The following MTHFD1L variants were observed in gnomAD, a reference collection of about 807,000 sequenced individuals.
MTHFD1L encodes monofunctional C1-tetrahydrofolate synthase, mitochondrial.
MTHFD1L carries 81 observed loss-of-function variants against 119.5 expected under a neutral mutation model. The ratio of observed to expected loss-of-function variants is 0.68; its 90% confidence interval spans 0.57 to 0.82. MTHFD1L has a LOEUF of 0.82. MTHFD1L is among the 40% of genes least tolerant of loss of function. The probability of loss-of-function intolerance (pLI) is 0.00; values close to 1 mark genes in which losing one functional copy is unlikely to be tolerated. For missense variants in MTHFD1L, 1,125 were observed against 1,253.4 expected (o/e 0.90, Z 1.55); for synonymous variants, 430 against 475.2 (o/e 0.90, Z 1.24).
At chr6:151,065,100 G>A (rs780379318) in intron 26 of MTHFD1L, among the ~76,000 whole-genome samples, 7 of 152,124 alleles carry the variant, frequency 4.6e-5, no homozygotes, top group African/African-American at 7.2e-5. Context: ...CACCATGCCC[G>A]GCCACTATTC....
At chr6:151,069,763 C>T (rs1791750745) in intron 26 of MTHFD1L, among the ~76,000 whole-genome samples, 1 of 152,102 alleles carries the variant, frequency 6.6e-6, no homozygotes, top group Non-Finnish European at 1.5e-5. Flanking sequence ...GGCTACTTGC[C>T]AGACAACTCC....
intron 7 of MTHFD1L, among the ~76,000 whole-genome samples, chr6:150,894,671 G>C (rs1455402619): frequency 1.3e-5 from 2 of 152,112 alleles, no homozygotes; most frequent in Non-Finnish European, 2.9e-5. Flanking sequence ...CTACTTTCAG[G>C]CTCTGTAGGT....
At chr6:150,878,809 T>G (rs1780896175) in intron 4 of MTHFD1L, among the ~76,000 whole-genome samples, 1 of 152,196 alleles carries the variant, frequency 6.6e-6, no homozygotes, top group African/African-American at 2.4e-5. Context: ...GTGAGTCTTA[T>G]TTGAGTCCTA....
At chr6:150,975,298 G>A (rs988429266) in intron 20 of MTHFD1L, among the ~76,000 whole-genome samples, 5 of 152,170 alleles carry the variant, frequency 3.3e-5, no homozygotes, top group African/African-American at 9.7e-5. Context: ...GAACTCTCCC[G>A]AAGGTGGTGT....
intron 19 of MTHFD1L, 32 bp downstream of exon 19, chr6:150,965,069 G>T: frequency 6.3e-7 from 1 of 1,592,270 alleles, no homozygotes; most frequent in African/African-American, 1.3e-5. Context: ...GTAATTGTTT[G>T]CATTAACTGG....
intron 18 of MTHFD1L, 81 bp from the exon 19 acceptor site, chr6:150,964,888 G>A: frequency 7.1e-7 from 1 of 1,408,546 alleles, no homozygotes; most frequent in Non-Finnish European, 1.0e-6. Context: ...CCAAGAAGCA[G>A]GCTGGAGAGA....
intron 15 of MTHFD1L, among the ~76,000 whole-genome samples, chr6:150,947,546 A>G (rs1265773705): frequency 1.3e-5 from 2 of 152,106 alleles, no homozygotes; most frequent in Non-Finnish European, 2.9e-5. Context: ...AGCCCAGGCA[A>G]CATAGCAAGA....
chr6:150,983,463 T>C (rs1375166168), intron 20 of MTHFD1L, among the ~76,000 whole-genome samples: 1 of 152,194 alleles, frequency 6.6e-6, no homozygotes, highest in Non-Finnish European at 1.5e-5. Context: ...CCCAGCCCTA[T>C]GAAAAGGGCC....
intron 27 of MTHFD1L, among the ~76,000 whole-genome samples, chr6:151,100,474 C>T (rs1795282562): frequency 6.6e-6 from 1 of 152,050 alleles, no homozygotes; most frequent in Non-Finnish European, 1.5e-5. Context: ...CTCCAGACCT[C>T]TCAGTGATCT....
At chr6:151,068,357 T>C (rs1791556888) in intron 26 of MTHFD1L, among the ~76,000 whole-genome samples, 1 of 152,250 alleles carries the variant, frequency 6.6e-6, no homozygotes, top group Non-Finnish European at 1.5e-5. Context: ...GTGATGGAGA[T>C]GGAGACACCT....
intron 2 of MTHFD1L, 78 bp from the exon 3 acceptor site, chr6:150,877,556 A>C (rs572761504): frequency 2.0e-6 from 3 of 1,497,620 alleles, no homozygotes; most frequent in East Asian, 4.6e-5. Context: ...ATCTGTAATC[A>C]CAAAATTCAT....
intron 19 of MTHFD1L, among the ~76,000 whole-genome samples, chr6:150,971,445 C>T (rs1797991069): frequency 6.6e-6 from 1 of 152,164 alleles, no homozygotes; most frequent in Admixed American, 6.5e-5. Flanking sequence ...GCGATCCGCC[C>T]ATCTTGGCCT....
chr6:150,918,907 G>A (rs1168793506), intron 9 of MTHFD1L, among the ~76,000 whole-genome samples: 2 of 152,134 alleles, frequency 1.3e-5, no homozygotes, highest in Non-Finnish European at 2.9e-5. Context: ...CTTGTGCTGT[G>A]TAATAAATTA....
At position 150,995,977 on chromosome 6, in the gene MTHFD1L, T is replaced by C. The variant is rs575706620; in HGVS notation, c.2126-13842T>C. Among the ~76,000 whole-genome samples, 6 of 152,212 alleles carry C rather than the reference T, an allele frequency of 3.9e-5. No individual in the cohort carries two copies. In the East Asian group the frequency reaches 1.2e-3, roughly 30 times the overall value. ...TGCCTGGCCAACATATTTCTAATAA[T>C]ATATTAATTTGATAAACAGAAGTTA... On this transcript the variant is annotated intron_variant, in intron 20 of 27. Transcript: ENST00000367321.
intron 25 of MTHFD1L, among the ~76,000 whole-genome samples, chr6:151,035,540 G>C (rs1330553660): frequency 2.6e-5 from 4 of 152,032 alleles, no homozygotes; most frequent in Non-Finnish European, 4.4e-5. Context: ...AATTTTCCCT[G>C]TATGTTCTTG....
At chr6:150,920,711 AC>A (rs1788751254) in intron 9 of MTHFD1L, among the ~76,000 whole-genome samples, 1 of 152,000 alleles carries the variant, frequency 6.6e-6, no homozygotes, top group Non-Finnish European at 1.5e-5. Flanking sequence ...TGGATGACGA[AC>A]CTATTCAGTA....
At chr6:150,872,488 A>G (rs1273731107) in intron 1 of MTHFD1L, among the ~76,000 whole-genome samples, 3 of 152,188 alleles carry the variant, frequency 2.0e-5, no homozygotes, top group South Asian at 4.1e-4. Context: ...AAGGGGGAAC[A>G]GCCAGTCCAG....
intron 11 of MTHFD1L, among the ~76,000 whole-genome samples, chr6:150,935,911 T>G (rs960346243): frequency 2.0e-5 from 3 of 152,214 alleles, no homozygotes; most frequent in African/African-American, 7.2e-5. Flanking sequence ...TAACAATGCT[T>G]GTGATGTACT....
intron 8 of MTHFD1L, among the ~76,000 whole-genome samples, chr6:150,912,482 C>T (rs1201071609): frequency 6.6e-6 from 1 of 152,074 alleles, no homozygotes; most frequent in African/African-American, 2.4e-5. Flanking sequence ...TGCATAGAAG[C>T]TGAGATGTTT....
Sources: gnomAD v4.1 joint callset for allele counts (sites outside exome capture counted in the v4.1 genomes callset) on GRCh38, gnomAD v4.1.1 for gene constraint, MANE v1.5 for transcripts, NCBI Gene and HGNC (gene_info 2026-07-23, HGNC 2026-07-21) for gene names.